The following IKBKB variants were observed in gnomAD, a reference collection of about 807,000 sequenced individuals.
IKBKB encodes the protein inhibitor of nuclear factor kappa B kinase subunit beta.
IKBKB carries 42 observed loss-of-function variants against 113.6 expected under a neutral mutation model. That is an observed-to-expected ratio of 0.37 (90% CI 0.29 to 0.48). The LOEUF is 0.48. Among genes scored for constraint, IKBKB ranks in the 20% least tolerant of loss-of-function variants. IKBKB has a pLI of 0.99. For synonymous variants in IKBKB, 296 were observed against 361.3 expected (o/e 0.82, Z 2.05); for missense variants, 673 against 939.7 (o/e 0.72, Z 3.71).
chr8:42,313,050 AC>A (rs2130605634), intron 8 of IKBKB, among the ~76,000 whole-genome samples: 1 of 152,350 alleles, frequency 6.6e-6, no homozygotes, highest in South Asian at 2.1e-4. Flanking sequence ...TGGGCCTGTC[AC>A]GGCAATAAGT....
At chr8:42,325,674 A>G (rs978239167) in intron 19 of IKBKB, 15 of 1,138,128 alleles carry the variant, frequency 1.3e-5, no homozygotes, top group Admixed American at 4.6e-5. Context: ...CAAGACTCTC[A>G]ATCATAATCA....
rs1192441110 is a variant in IKBKB, at chr8:42,271,305, A to G, written c.-183A>G. The G allele has an allele frequency of 2.1e-5, 19 of 889,066 alleles. No homozygotes were observed. The African/African-American group carries it at 2.3e-4, about 11-fold the overall frequency. The allele number at this position is 889,066 out of a possible 1,614,324, so 55.1% of individuals were successfully genotyped here. On this transcript the variant is annotated 5_prime_UTR_variant, in exon 1 of 22. Coordinates refer to ENST00000520810, the MANE Select transcript of IKBKB (RefSeq NM_001556.3). Reference sequence around the variant, plus strand: ...GCGGCCGCGGCCAACGTGCTCCGTGACGTCAGAGCAGGAAGTGTTTGAGGA... The same window carrying G: ...GCGGCCGCGGCCAACGTGCTCCGTGGCGTCAGAGCAGGAAGTGTTTGAGGA...
At position 42,322,396 on chromosome 8, in the gene IKBKB, G is replaced by A. The variant is rs1342198581; in HGVS notation, c.1888G>A (p.Glu630Lys). The change falls in exon 19 of 22, where the codon GAA becomes AAA. Residue 630 changes from glutamate to lysine, a missense_variant. This residue lies in a region of IKBKB where 506 missense variants were observed against 638.7 expected (regional missense o/e 0.79). Transcript: ENST00000520810. ...QKALELLPKV[E>K]EVVSLMNEDE... Reference sequence around the variant, plus strand: ...GGCGCTGGAACTGTTGCCCAAGGTGGAAGAGGTGGTGAGCTTAATGAATGA... The same window carrying A: ...GGCGCTGGAACTGTTGCCCAAGGTGAAAGAGGTGGTGAGCTTAATGAATGA... 6.2e-7 allele frequency: 1 copy of A among 1,613,972 alleles called. No homozygotes were observed. The highest frequency in any genetic ancestry group is 1.7e-5 in the Admixed American group (1 of 59,976).
chr8:42,295,701 G>A (rs1281061693), intron 5 of IKBKB, among the ~76,000 whole-genome samples: 1 of 151,864 alleles, frequency 6.6e-6, no homozygotes, highest in African/African-American at 2.4e-5. Context: ...ACTCCCGCCT[G>A]GTGACAGAGT....
At chr8:42,325,631 A>T in intron 19 of IKBKB, 2 of 1,030,610 alleles carry the variant, frequency 1.9e-6, no homozygotes, top group Non-Finnish European at 1.2e-6. Flanking sequence ...GTGAGCCAAG[A>T]TCGCACATCG....
intron 8 of IKBKB, among the ~76,000 whole-genome samples, chr8:42,311,563 CAAA>C (rs56282608): frequency 3.5e-5 from 4 of 114,068 alleles, no homozygotes; most frequent in South Asian, 2.9e-4. Context: ...TCCATCTTAC[CAAA>C]AAAAAAAAAA....
intron 4 of IKBKB, among the ~76,000 whole-genome samples, chr8:42,291,985 G>A (rs955264797): frequency 7.2e-5 from 11 of 152,048 alleles, no homozygotes; most frequent in Admixed American, 6.6e-5. Flanking sequence ...TAAAATAAAA[G>A]AAACTTTCCA....
In IKBKB at chr8:42,331,597, G is replaced by GT. The variant is rs1452491198; in HGVS notation, c.*623dup. 2.2e-5 allele frequency: 13 copies of GT among 593,190 alleles called. No homozygotes were observed. In the East Asian group the frequency reaches 3.6e-4, roughly 17 times the overall value. The allele number at this position is 593,190 out of a possible 1,614,324, so 36.7% of individuals were successfully genotyped here. ...TTTATTTCACTGCTGCTAAAATTGT[G>GT]TTTTTACCTACTACTTTGGTGGTTG... On this transcript the variant is annotated 3_prime_UTR_variant, in exon 22 of 22. Transcript: ENST00000520810.
rs11341138 is a variant in IKBKB, at chr8:42,315,919, TC to T, written c.801-287del. 1 allele frequency among the ~76,000 whole-genome samples: 152,245 copies of T among 152,292 alleles called. 76,099 individuals carry two copies. The highest frequency in any genetic ancestry group is 1 in the Non-Finnish European group (68,038 of 68,038). ...CTCAAGTGATCCACCTGCTTTGGCC[TC>T]CCCAAAGTGTGGGATTACAGGCATG... On this transcript the variant is annotated intron_variant, in intron 9 of 21. Coordinates refer to ENST00000520810, the MANE Select transcript of IKBKB (RefSeq NM_001556.3).
intron 19 of IKBKB, 95 bp from the exon 20 acceptor site, chr8:42,325,875 C>G: frequency 6.4e-7 from 1 of 1,561,550 alleles, no homozygotes; most frequent in Non-Finnish European, 8.6e-7. Flanking sequence ...TGGCCTCTGG[C>G]AGCCAGCCAG....
chr8:42,298,921 G>A (rs896522305), intron 5 of IKBKB, among the ~76,000 whole-genome samples: 1 of 152,064 alleles, frequency 6.6e-6, no homozygotes, highest in Non-Finnish European at 1.5e-5. Flanking sequence ...CCCTGCATTC[G>A]CCTGTCCGTC....
At chr8:42,297,898 AAAAAAAG>A (rs1045141795) in intron 5 of IKBKB, among the ~76,000 whole-genome samples, 5 of 152,150 alleles carry the variant, frequency 3.3e-5, no homozygotes, top group Admixed American at 6.5e-5. Flanking sequence ...CTGTCTCAAA[AAAAAAAG>A]AAAAAAGAAT....
At position 42,317,751 on chromosome 8, in the gene IKBKB, C is replaced by G. The variant is rs1367163182; in HGVS notation, c.1220C>G (p.Pro407Arg). 2 of 1,609,984 alleles carry G rather than the reference C, an allele frequency of 1.2e-6. No homozygotes were observed. Among genetic ancestry groups the G allele is most frequent in the Non-Finnish European group, 1.7e-6 (2 of 1,176,344 alleles). The change falls in exon 12 of 22, where the codon CCT (proline) becomes CGT (arginine). Residue 407 changes from proline to arginine, a missense_variant. Around this residue, in one of 2 missense-constraint regions of IKBKB, gnomAD observed 506 missense variants for 638.7 expected, o/e 0.79. Transcript: ENST00000520810. Reference sequence around the variant, plus strand: ...ACTCAGATCTCCCCACGGCCCCAACCTGAAAGTGTCAGCTGTATCCGTAAG... The same window carrying G: ...ACTCAGATCTCCCCACGGCCCCAACGTGAAAGTGTCAGCTGTATCCGTAAG... The part of the protein sequence containing the change: ...YETQISPRPQ[P>R]ESVSCILQEP...
intron 5 of IKBKB, among the ~76,000 whole-genome samples, chr8:42,301,242 C>T (rs1815149906): frequency 1.3e-5 from 2 of 152,184 alleles, no homozygotes; most frequent in Non-Finnish European, 2.9e-5. Flanking sequence ...GAAAAATTAC[C>T]TGGTACAGTT....
At chr8:42,327,082 C>T (rs1366321559) in intron 20 of IKBKB, among the ~76,000 whole-genome samples, 1 of 152,140 alleles carries the variant, frequency 6.6e-6, no homozygotes, top group African/African-American at 2.4e-5. Context: ...TTGAATTGTA[C>T]ACTTTAAATG....
intron 1 of IKBKB, chr8:42,271,697 A>G (rs769759542): frequency 2.1e-5 from 11 of 521,066 alleles, no homozygotes; most frequent in Admixed American, 3.9e-5. Flanking sequence ...TTATGGGAAC[A>G]TTGTAAAGAA....
intron 5 of IKBKB, chr8:42,298,057 C>A: frequency 1.0e-6 from 1 of 983,760 alleles, no homozygotes; most frequent in Non-Finnish European, 1.2e-6. Flanking sequence ...CGTAATGTGA[C>A]CCTAAAATAG....
chr8:42,332,058 C>T lies in IKBKB; in HGVS notation c.*1079C>T, dbSNP rs1197594785. 1.3e-5 allele frequency: 2 copies of T among 152,428 alleles called. No homozygotes were observed. The highest frequency in any genetic ancestry group is 4.8e-5 in the African/African-American group (2 of 41,410). 9.4% of individuals were successfully genotyped at this position (152,428 alleles called of 1,614,324 possible). A position where few individuals can be genotyped will look rare whatever the true frequency, so the allele number is the denominator to read the frequency against. On this transcript the variant is annotated 3_prime_UTR_variant, in exon 22 of 22. Transcript: ENST00000520810. ...CCTGGATCATTACTAGTGCCATAAC[C>T]CTGCTTCTTCAACATTTCACAGAAC...
intron 3 of IKBKB, among the ~76,000 whole-genome samples, chr8:42,289,762 CAAAA>C (rs1563312362): frequency 6.6e-6 from 1 of 151,900 alleles, no homozygotes; most frequent in Non-Finnish European, 1.5e-5. Context: ...ATTAAACAGA[CAAAA>C]GAAAAAAAAT....
Sources: gnomAD v4.1 joint callset for allele counts (sites outside exome capture counted in the v4.1 genomes callset) on GRCh38, gnomAD v4.1.1 for gene constraint, gnomAD v4.1.1 regional missense constraint, MANE v1.5 for transcripts, NCBI Gene and HGNC (gene_info 2026-07-23, HGNC 2026-07-21) for gene names.